The following SMS variants were observed in gnomAD, a reference collection of about 807,000 sequenced individuals.
The protein encoded by SMS is spermine synthase, also known as spermidine aminopropyltransferase.
A neutral mutation model predicts 33.0 loss-of-function variants in SMS; 3 were observed. The ratio of observed to expected loss-of-function variants is 0.09; its 90% CI spans 0.04 to 0.23. The LOEUF is 0.23. Among genes scored for constraint, SMS ranks in the 10% least tolerant of loss-of-function variants. SMS has a pLI of 1.00. For missense variants in SMS, 117 were observed against 288.6 expected (o/e 0.41, Z 4.31); for synonymous variants, 103 against 112.2 (o/e 0.92, Z 0.52).
chrX:21,952,416 TGTTTG>T (rs368187204), intron 1 of SMS, among the ~76,000 whole-genome samples: 2,166 of 92,906 alleles, frequency 0.023, 77 homozygotes, highest in African/African-American at 0.081. Context: ...GTTGTTTGTT[TGTTTG>T]TTTTTTTTTT....
intron 1 of SMS, among the ~76,000 whole-genome samples, chrX:21,963,054 G>C (rs1423531417): frequency 8.9e-6 from 1 of 111,917 alleles, no homozygotes; most frequent in East Asian, 2.8e-4. Context: ...GATGAATTCA[G>C]CCAAATAAAA....
In SMS at chrX:21,953,189, G is replaced by A. The variant is rs964300043; in HGVS notation, c.49+12316G>A. Among the ~76,000 whole-genome samples the A allele has an allele frequency of 4.5e-5, 5 of 110,151 alleles. No individual in the cohort carries two copies. The Admixed American group carries it at 4.9e-4, about 11-fold the overall frequency. Reference sequence around the variant, plus strand: ...GTAAGGCATCAGAGAGACCAATGGGGTTCAGGAGGATATTTATTATTTAGG... The same window carrying A: ...GTAAGGCATCAGAGAGACCAATGGGATTCAGGAGGATATTTATTATTTAGG... On this transcript the variant is annotated intron_variant, in intron 1 of 10. Coordinates refer to ENST00000404933, the MANE Select transcript of SMS (RefSeq NM_004595.5).
intron 9 of SMS, among the ~76,000 whole-genome samples, chrX:21,987,241 C>T (rs1925410795): frequency 8.9e-6 from 1 of 112,109 alleles, no homozygotes; most frequent in Non-Finnish European, 1.9e-5. Context: ...AGGTGATACG[C>T]CCCCCTCGGC....
intron 1 of SMS, among the ~76,000 whole-genome samples, chrX:21,952,245 G>C (rs763821149): frequency 9.0e-6 from 1 of 111,606 alleles, no homozygotes; most frequent in South Asian, 3.7e-4. Flanking sequence ...TATGCTAACT[G>C]TAGGTTTTTT....
chrX:21,979,197 T>TA (rs1223879439), intron 7 of SMS, among the ~76,000 whole-genome samples: 4 of 110,278 alleles, frequency 3.6e-5, no homozygotes, highest in Admixed American at 9.7e-5. Context: ...TCTTTTTTTT[T>TA]TTATTATACT....
chrX:21,950,327 A>G (rs1268465355), intron 1 of SMS, among the ~76,000 whole-genome samples: 1 of 110,435 alleles, frequency 9.1e-6, no homozygotes, highest in African/African-American at 3.3e-5. Context: ...GTTTGTTCCT[A>G]CGTGGGGGTT....
At chrX:21,952,431 T>TTTTA (rs1456426417) in intron 1 of SMS, among the ~76,000 whole-genome samples, 1 of 108,224 alleles carries the variant, frequency 9.2e-6, no homozygotes. Flanking sequence ...GTTTTTTTTT[T>TTTTA]TTTTTGAATG....
At chrX:21,983,687 A>G (rs780396081) in intron 7 of SMS, among the ~76,000 whole-genome samples, 11 of 111,092 alleles carry the variant, frequency 9.9e-5, no homozygotes, top group Non-Finnish European at 1.9e-4. Context: ...TAAGGTGCAA[A>G]AGTGAATCCA....
At chrX:21,942,571 G>GTC (rs1921892367) in intron 1 of SMS, among the ~76,000 whole-genome samples, 1 of 111,946 alleles carries the variant, frequency 8.9e-6, no homozygotes, top group South Asian at 3.7e-4. Flanking sequence ...CATTTCTTAG[G>GTC]TGAGGATGGT....
At chrX:21,992,733 T>G (rs764660102) in intron 10 of SMS, 21 bp downstream of exon 10, 1 of 977,292 alleles carries the variant, frequency 1.0e-6, no homozygotes. Flanking sequence ...ACCGTGACAT[T>G]CTGTTGCCAG....
chrX:21,974,142 A>C (rs779104978), intron 4 of SMS, among the ~76,000 whole-genome samples: 2 of 112,597 alleles, frequency 1.8e-5, no homozygotes, highest in Non-Finnish European at 3.8e-5. Context: ...GGCACTTTCC[A>C]GAAGAAGGAA....
intron 9 of SMS, among the ~76,000 whole-genome samples, chrX:21,990,760 G>A (rs186483371): frequency 8.9e-6 from 1 of 112,948 alleles, no homozygotes; most frequent in Admixed American, 9.3e-5. Flanking sequence ...CACCTTGGTG[G>A]CATTTTCATT....
intron 3 of SMS, among the ~76,000 whole-genome samples, chrX:21,972,273 C>T (rs1370311685): frequency 9.0e-6 from 1 of 111,702 alleles, no homozygotes; most frequent in African/African-American, 3.3e-5. Context: ...TTTAGCCTTC[C>T]TCTTCCGTGT....
chrX:21,956,382 C>G (rs1446138636), intron 1 of SMS, among the ~76,000 whole-genome samples: 2 of 112,760 alleles, frequency 1.8e-5, no homozygotes, highest in Non-Finnish European at 3.8e-5. Context: ...CTCCTGGGCT[C>G]AAGCAATTCT....
At chrX:21,993,922 C>T (rs1925924176) in intron 10 of SMS, among the ~76,000 whole-genome samples, 4 of 108,230 alleles carry the variant, frequency 3.7e-5, no homozygotes, top group Non-Finnish European at 7.7e-5. Flanking sequence ...TCTCCTCCTC[C>T]TGCCCTCTCT....
intron 1 of SMS, among the ~76,000 whole-genome samples, chrX:21,952,412 TGTTTG>T (rs1394352507): frequency 2.2e-5 from 2 of 91,617 alleles, no homozygotes; most frequent in African/African-American, 8.6e-5. Flanking sequence ...TCACGTTGTT[TGTTTG>T]TTTGTTTTTT....
chrX:21,947,879 T>G (rs771843381), intron 1 of SMS, among the ~76,000 whole-genome samples: 2 of 111,771 alleles, frequency 1.8e-5, no homozygotes, highest in East Asian at 2.8e-4. Flanking sequence ...GAAGACTTTT[T>G]TGTGTGCTTT....
intron 9 of SMS, among the ~76,000 whole-genome samples, chrX:21,989,234 G>A (rs1370486546): frequency 9.0e-6 from 1 of 110,640 alleles, no homozygotes; most frequent in African/African-American, 3.3e-5. Context: ...CCAGGAGTTC[G>A]AGGACAGCCT....
intron 1 of SMS, among the ~76,000 whole-genome samples, chrX:21,945,338 A>G (rs1300538438): frequency 8.9e-6 from 1 of 112,093 alleles, no homozygotes; most frequent in African/African-American, 3.2e-5. Context: ...AGATACTGTT[A>G]GGTCTGTCAT....
Sources: allele counts gnomAD v4.1 joint callset (sites outside exome capture counted in the v4.1 genomes callset), GRCh38; gene constraint gnomAD v4.1.1; transcripts MANE v1.5; gene names NCBI Gene and HGNC (gene_info 2026-07-23, HGNC 2026-07-21).